Variants in TXNDC8 observed in about 807,000 individuals in gnomAD.
The protein encoded by TXNDC8 is thioredoxin domain-containing protein 8.
TXNDC8 carries 15 observed loss-of-function variants against 12.9 expected under a neutral mutation model. The ratio of observed to expected loss-of-function variants is 1.16; its 90% CI spans 0.78 to 1.79. The LOEUF (loss-of-function observed/expected upper bound fraction) is 1.79, where lower values mean the gene tolerates loss of function less well. Among genes scored for constraint, TXNDC8 ranks in the 40% most tolerant of loss-of-function variants. The pLI, the probability that TXNDC8 is intolerant of heterozygous loss-of-function variation, is 0.00. For missense variants in TXNDC8, 128 were observed against 113.2 expected, an observed-to-expected ratio of 1.13 and a Z score of -0.59; for synonymous variants, 40 against 35.4, an observed-to-expected ratio of 1.13 and a Z score of -0.46.
Position 110,307,113 on chromosome 9 carries a change from T to C in TXNDC8, c.196-2581A>G, listed in dbSNP as rs1008854249. Among the ~76,000 whole-genome samples, 92 of 151,832 alleles carry C rather than the reference T, an allele frequency of 6.1e-4. 1 individual carries two copies. The highest frequency in any genetic ancestry group is 1.6e-4 in the Non-Finnish European group (11 of 67,968). ...TGCACCAATACACTGGCTTTTTTTT[T>C]TTTTTAATTTTTAAATTTTTTGTAA... On this transcript the variant is annotated intron_variant, in intron 3 of 4. Transcript: ENST00000423740.
downstream of TXNDC8, among the ~76,000 whole-genome samples, chr9:110,302,799 C>T (rs1253506282): frequency 1.3e-5 from 2 of 152,112 alleles, no homozygotes; most frequent in East Asian, 3.9e-4. Context: ...CATGGTGGCT[C>T]ATGCCTGTAA....
downstream of TXNDC8, among the ~76,000 whole-genome samples, chr9:110,302,738 A>C (rs1430884568): frequency 6.7e-6 from 1 of 149,708 alleles, no homozygotes; most frequent in African/African-American, 2.5e-5. Context: ...TTAGAAAGGG[A>C]GTGAGAGAGA....
intron 3 of TXNDC8, among the ~76,000 whole-genome samples, chr9:110,308,313 C>A (rs1838535935): frequency 6.6e-6 from 1 of 152,176 alleles, no homozygotes; most frequent in South Asian, 2.1e-4. Context: ...AGGTTGCTCC[C>A]AACAAGGGAG....
chr9:110,322,029 T>C (rs1839116920), intron 3 of TXNDC8, among the ~76,000 whole-genome samples: 1 of 152,226 alleles, frequency 6.6e-6, no homozygotes, highest in Non-Finnish European at 1.5e-5. Context: ...AAAATTGATA[T>C]TCTTTGTCAA....
At chr9:110,305,582 C>CTT (rs1256694635) in intron 3 of TXNDC8, among the ~76,000 whole-genome samples, 3 of 140,266 alleles carry the variant, frequency 2.1e-5, no homozygotes, top group East Asian at 2.1e-4. Flanking sequence ...TTCTTTCTTT[C>CTT]TTTCTTTCTT....
intron 2 of TXNDC8, among the ~76,000 whole-genome samples, chr9:110,333,612 G>C (rs1156883844): frequency 6.6e-6 from 1 of 152,022 alleles, no homozygotes; most frequent in Non-Finnish European, 1.5e-5. Flanking sequence ...ATGTACACAA[G>C]GTTTCATTTG....
At chr9:110,314,466 T>C (rs1838805357) in intron 3 of TXNDC8, among the ~76,000 whole-genome samples, 2 of 147,504 alleles carry the variant, frequency 1.4e-5, no homozygotes, top group Admixed American at 1.4e-4. Flanking sequence ...GGAGTCTCGC[T>C]CTGTCACCCA....
intron 3 of TXNDC8, among the ~76,000 whole-genome samples, chr9:110,316,146 C>G (rs994481345): frequency 6.7e-6 from 1 of 149,484 alleles, no homozygotes. Flanking sequence ...AACACCTGGC[C>G]TCAAAGTGAT....
At chr9:110,311,695 T>TAC (rs1554702102) in intron 3 of TXNDC8, among the ~76,000 whole-genome samples, 10 of 134,784 alleles carry the variant, frequency 7.4e-5, no homozygotes, top group South Asian at 2.2e-4. Flanking sequence ...TATATATATA[T>TAC]ACATGGATAT....
At chr9:110,333,279 T>G (rs1438021847) in intron 2 of TXNDC8, among the ~76,000 whole-genome samples, 1 of 152,208 alleles carries the variant, frequency 6.6e-6, no homozygotes, top group Admixed American at 6.5e-5. Context: ...CAGCGTGGAA[T>G]TAGATCCTCA....
At chr9:110,305,590 CTTTCTT>C (rs1838417452) in intron 3 of TXNDC8, among the ~76,000 whole-genome samples, 1 of 134,574 alleles carries the variant, frequency 7.4e-6, no homozygotes, top group Non-Finnish European at 1.5e-5. Flanking sequence ...TTCTTTCTTT[CTTTCTT>C]TCTTTCTTTC....
intron 2 of TXNDC8, among the ~76,000 whole-genome samples, chr9:110,328,713 G>A (rs1018565837): frequency 6.6e-6 from 1 of 152,200 alleles, no homozygotes; most frequent in Non-Finnish European, 1.5e-5. Context: ...GGCTGAGGCA[G>A]GAGAATCACT....
chr9:110,312,014 T>G (rs1030884272), intron 3 of TXNDC8, among the ~76,000 whole-genome samples: 7 of 151,584 alleles, frequency 4.6e-5, no homozygotes, highest in Admixed American at 1.3e-4. Flanking sequence ...AGAGCTGAAA[T>G]GTTTATGAAT....
intron 2 of TXNDC8, among the ~76,000 whole-genome samples, chr9:110,331,179 C>G (rs1839530082): frequency 6.6e-6 from 1 of 152,176 alleles, no homozygotes; most frequent in Non-Finnish European, 1.5e-5. Flanking sequence ...AAGCTATTTT[C>G]TTCTTCTTTT....
At chr9:110,315,105 T>G (rs951487631) in intron 3 of TXNDC8, among the ~76,000 whole-genome samples, 1 of 148,512 alleles carries the variant, frequency 6.7e-6, no homozygotes, top group Non-Finnish European at 1.5e-5. Flanking sequence ...CAGAGGCAGG[T>G]TTTTTTTTGT....
chr9:110,305,443 A>C (rs1205717982), intron 3 of TXNDC8, among the ~76,000 whole-genome samples: 2 of 152,204 alleles, frequency 1.3e-5, no homozygotes, highest in East Asian at 3.9e-4. Context: ...CTTTGTGAGC[A>C]CATAAGCACT....
At chr9:110,324,105 C>A in intron 3 of TXNDC8, 1 of 1,395,178 alleles carries the variant, frequency 7.2e-7, no homozygotes, top group South Asian at 1.6e-5. Context: ...AAAGAAGTGT[C>A]TAAACTCCAA....
chr9:110,307,056 C>T (rs1190865550), intron 3 of TXNDC8, among the ~76,000 whole-genome samples: 4 of 151,906 alleles, frequency 2.6e-5, no homozygotes, highest in Non-Finnish European at 5.9e-5. Flanking sequence ...ATCCTCCCAC[C>T]TCAGCTTCCT....
chr9:110,320,596 T>C (rs931919881), intron 3 of TXNDC8, among the ~76,000 whole-genome samples: 1 of 152,234 alleles, frequency 6.6e-6, no homozygotes, highest in African/African-American at 2.4e-5. Flanking sequence ...ACTGATAGGC[T>C]TCAGACGGTC....
Sources: gnomAD v4.1 joint callset for allele counts (sites outside exome capture counted in the v4.1 genomes callset) on GRCh38, gnomAD v4.1.1 for gene constraint, MANE v1.5 for transcripts, NCBI Gene and HGNC (gene_info 2026-07-23, HGNC 2026-07-21) for gene names.